LIPC: variants seen among roughly 807,000 people sequenced by gnomAD.
LIPC encodes the protein hepatic triacylglycerol lipase.
LIPC carries 44 observed loss-of-function variants against 50.7 expected under a neutral mutation model. The observed-to-expected ratio is 0.87, with a 90% confidence interval of 0.68 to 1.11. The LOEUF (loss-of-function observed/expected upper bound fraction) is 1.11. LIPC is among the 50% of genes most tolerant of loss of function. The probability of loss-of-function intolerance (pLI) is 0.00; values close to 1 mark genes in which losing one functional copy is unlikely to be tolerated. For synonymous variants in LIPC, 271 were observed against 256.4 expected (o/e 1.06, Z -0.54); for missense variants, 697 against 648.2 (o/e 1.08, Z -0.82).
At chr15:58,565,324 C>G in intron 8 of LIPC, 1 of 1,534,650 alleles carries the variant, frequency 6.5e-7, no homozygotes, top group Non-Finnish European at 8.7e-7. Context: ...GAGAGTAATT[C>G]CTCAGTTTAG....
chr15:58,451,206 G>T (rs1893888283), intron 1 of LIPC, among the ~76,000 whole-genome samples: 1 of 152,184 alleles, frequency 6.6e-6, no homozygotes. Context: ...GGCCTCGAGT[G>T]ACAGGTAGAG....
intron 1 of LIPC, among the ~76,000 whole-genome samples, chr15:58,489,846 A>G (rs1307076889): frequency 1.3e-5 from 2 of 152,194 alleles, no homozygotes; most frequent in African/African-American, 2.4e-5. Context: ...GTAAGGTTCA[A>G]CTATAAACTA....
intron 1 of LIPC, among the ~76,000 whole-genome samples, chr15:58,434,539 T>C (rs1366661687): frequency 4.6e-5 from 7 of 152,208 alleles, no homozygotes; most frequent in African/African-American, 1.7e-4. Flanking sequence ...GAGGCCGCAG[T>C]GCTCTGTGTC....
chr15:58,538,599 G>T, intron 2 of LIPC, 82 bp downstream of exon 2: 1 of 1,392,392 alleles, frequency 7.2e-7, no homozygotes, highest in South Asian at 1.2e-5. Context: ...TTCATAAAAA[G>T]ATAGGGAGCT....
intron 1 of LIPC, among the ~76,000 whole-genome samples, chr15:58,442,769 G>A (rs1276582269): frequency 6.6e-6 from 1 of 152,106 alleles, no homozygotes; most frequent in African/African-American, 2.4e-5. Context: ...CTGAAACATG[G>A]GCTTGCCTGA....
intron 1 of LIPC, among the ~76,000 whole-genome samples, chr15:58,467,770 G>C (rs1894623400): frequency 6.6e-6 from 1 of 152,146 alleles, no homozygotes. Flanking sequence ...TTGCGCAGTG[G>C]TTTGCCTACC....
chr15:58,547,301 G>C (rs1270391227), intron 5 of LIPC, among the ~76,000 whole-genome samples: 2 of 152,172 alleles, frequency 1.3e-5, no homozygotes, highest in Admixed American at 1.3e-4. Flanking sequence ...CTGGGTGGAT[G>C]AGCTTGGGTG....
intron 6 of LIPC, among the ~76,000 whole-genome samples, chr15:58,558,631 A>ACATGCTAGATATCTAGGTTGCATGCTCC (rs562955063): frequency 1.3e-5 from 2 of 151,686 alleles, no homozygotes; most frequent in Non-Finnish European, 2.9e-5. Context: ...ATTGTGAACT[A>ACATGCTAGATATCTAGGTTGCATGCTCC]TTATGAGAAT....
chr15:58,433,587 T>G (rs1893193393), intron 1 of LIPC, among the ~76,000 whole-genome samples: 1 of 152,254 alleles, frequency 6.6e-6, no homozygotes, highest in African/African-American at 2.4e-5. Flanking sequence ...CATGCCACAC[T>G]TCCTTTATCC....
chr15:58,567,265 A>ATGTGTC (rs1894402672), intron 8 of LIPC, among the ~76,000 whole-genome samples: 1 of 118,544 alleles, frequency 8.4e-6, no homozygotes, highest in Non-Finnish European at 1.7e-5. Context: ...ATATATGTAT[A>ATGTGTC]TGTGTGTGTG....
At position 58,478,708 on chromosome 15, in the gene LIPC, C is replaced by T. The variant is rs557263548; in HGVS notation, c.88+46588C>T. ...AGAGTTGAACTCATACCACCTTTCC[C>T]AAGAGCACCTTGAGCTACTAGAACT... is the stretch of plus-strand genomic sequence containing the variant. On this transcript the variant is annotated intron_variant, in intron 1 of 8. Coordinates refer to ENST00000299022, the MANE Select transcript of LIPC (RefSeq NM_000236.3). 2.6e-5 allele frequency among the ~76,000 whole-genome samples: 4 copies of T among 152,290 alleles called. No homozygotes were observed. In the South Asian group the frequency reaches 6.2e-4, roughly 24 times the overall value.
At chr15:58,520,549 C>T (rs1162622824) in intron 1 of LIPC, among the ~76,000 whole-genome samples, 1 of 152,156 alleles carries the variant, frequency 6.6e-6, no homozygotes, top group African/African-American at 2.4e-5. Context: ...TATACAAGCC[C>T]GCTGGAAAGC....
At chr15:58,548,686 G>GT (rs1893634167) in intron 6 of LIPC, 114 bp downstream of exon 6, 1 of 1,379,872 alleles carries the variant, frequency 7.2e-7, no homozygotes, top group African/African-American at 1.4e-5. Flanking sequence ...CTGTTGCGGT[G>GT]TTTCTGAAAC....
intron 1 of LIPC, chr15:58,494,806 AGTTCTTGCTT>A (rs1195692925): frequency 1.1e-5 from 5 of 456,164 alleles, no homozygotes; most frequent in Non-Finnish European, 2.2e-5. Flanking sequence ...AGTTCTTGCT[AGTTCTTGCTT>A]GGAAATGATC....
intron 4 of LIPC, among the ~76,000 whole-genome samples, chr15:58,543,100 G>GC (rs760474249): frequency 6.6e-6 from 1 of 152,162 alleles, no homozygotes; most frequent in Non-Finnish European, 1.5e-5. Context: ...TTTGGGTTGA[G>GC]GGAGGGAGCT....
chr15:58,444,398 G>A (rs540801582), intron 1 of LIPC, among the ~76,000 whole-genome samples: 2 of 152,312 alleles, frequency 1.3e-5, no homozygotes, highest in East Asian at 1.9e-4. Context: ...GCCAGGCCTT[G>A]TGCTAGGACC....
At chr15:58,469,740 C>A (rs1462167078) in intron 1 of LIPC, among the ~76,000 whole-genome samples, 1 of 152,160 alleles carries the variant, frequency 6.6e-6, no homozygotes, top group African/African-American at 2.4e-5. Flanking sequence ...GTGACCCTAC[C>A]CTCTACTAAA....
intron 1 of LIPC, among the ~76,000 whole-genome samples, chr15:58,524,906 T>C (rs979718665): frequency 1.3e-5 from 2 of 152,214 alleles, no homozygotes; most frequent in African/African-American, 4.8e-5. Context: ...TAGTTGGTCA[T>C]ACAGAAGTTT....
intron 2 of LIPC, among the ~76,000 whole-genome samples, chr15:58,541,408 T>A (rs1341326944): frequency 6.6e-6 from 1 of 151,092 alleles, no homozygotes; most frequent in Non-Finnish European, 1.5e-5. Flanking sequence ...TTCCAGGACC[T>A]GATTTACACA....
Sources: allele counts gnomAD v4.1 joint callset (sites outside exome capture counted in the v4.1 genomes callset), GRCh38; gene constraint gnomAD v4.1.1; transcripts MANE v1.5; gene names NCBI Gene and HGNC (gene_info 2026-07-23, HGNC 2026-07-21).